Variants in HPSE2 observed in about 807,000 individuals in gnomAD.
HPSE2 encodes inactive heparanase-2.
In HPSE2, 38 loss-of-function variants were observed where a neutral mutation model predicts 60.5. That is an observed-to-expected ratio of 0.63 (90% CI 0.48 to 0.82). HPSE2 has a LOEUF of 0.82. Ranked by LOEUF, HPSE2 falls within the 40% of genes least tolerant of loss-of-function variation. HPSE2 has a pLI of 0.00. For synonymous variants in HPSE2, 295 were observed against 293.2 expected, an observed-to-expected ratio of 1.01 and a Z score of -0.06; for missense variants, 713 against 740.4, an observed-to-expected ratio of 0.96 and a Z score of 0.43.
At chr10:99,147,170 G>A (rs982051429) in intron 2 of HPSE2, among the ~76,000 whole-genome samples, 3 of 151,922 alleles carry the variant, frequency 2.0e-5, no homozygotes, top group Non-Finnish European at 4.4e-5. Flanking sequence ...ACAAAACCTG[G>A]TCAGTGCTCA....
intron 3 of HPSE2, among the ~76,000 whole-genome samples, chr10:98,791,615 A>C (rs1950657086): frequency 6.6e-6 from 1 of 152,216 alleles, no homozygotes; most frequent in South Asian, 2.1e-4. Context: ...TATCTCTATA[A>C]AACAAACGCA....
At chr10:99,032,391 A>G (rs1746165664) in intron 3 of HPSE2, among the ~76,000 whole-genome samples, 1 of 152,200 alleles carries the variant, frequency 6.6e-6, no homozygotes, top group African/African-American at 2.4e-5. Flanking sequence ...ATTAAAAATC[A>G]ATAATCTTCA....
chr10:98,502,151 C>T (rs1942047028), intron 9 of HPSE2, among the ~76,000 whole-genome samples: 1 of 151,974 alleles, frequency 6.6e-6, no homozygotes, highest in South Asian at 2.1e-4. Flanking sequence ...CAATGCAATC[C>T]CCATCAAAAT....
intron 3 of HPSE2, among the ~76,000 whole-genome samples, chr10:99,131,212 T>A (rs1029344632): frequency 2.0e-5 from 3 of 152,196 alleles, no homozygotes; most frequent in African/African-American, 7.2e-5. Flanking sequence ...AAGCCATCTA[T>A]GACAAACTCA....
intron 4 of HPSE2, among the ~76,000 whole-genome samples, chr10:98,732,101 C>CTACTGAAA (rs1949242757): frequency 6.6e-6 from 1 of 152,032 alleles, no homozygotes; most frequent in South Asian, 2.1e-4. Context: ...AAAACTTATA[C>CTACTGAAA]ACTGAAAACT....
At chr10:98,739,463 G>T (rs1347037825) in intron 4 of HPSE2, among the ~76,000 whole-genome samples, 1 of 149,950 alleles carries the variant, frequency 6.7e-6, no homozygotes, top group Non-Finnish European at 1.5e-5. Context: ...AAAAAAAGAA[G>T]AAGAAAAAAA....
At chr10:98,706,855 A>C (rs1287893104) in intron 5 of HPSE2, among the ~76,000 whole-genome samples, 3 of 152,198 alleles carry the variant, frequency 2.0e-5, no homozygotes, top group African/African-American at 7.2e-5. Context: ...CTTAACAACA[A>C]GGTACAAGTC....
the HPSE2 span, among the ~76,000 whole-genome samples, chr10:99,305,979 G>GCTCACACACACACA: frequency 1.2e-5 from 1 of 80,586 alleles, no homozygotes; most frequent in Non-Finnish European, 2.4e-5. Context: ...GCGCGCGCGC[G>GCTCACACACACACA]CACACACACA....
chr10:99,067,366 C>T (rs1241534824), intron 3 of HPSE2, among the ~76,000 whole-genome samples: 2 of 152,160 alleles, frequency 1.3e-5, no homozygotes, highest in African/African-American at 4.8e-5. Flanking sequence ...GGGCTCTGAC[C>T]CCACATTTCC....
In HPSE2 at chr10:98,620,604, G is replaced by A. The variant is rs1252289590; in HGVS notation, c.1203C>T (p.Phe401=). 1 of 1,612,292 alleles carries A rather than the reference G, an allele frequency of 6.2e-7. No homozygotes were observed. The highest frequency in any genetic ancestry group is 1.7e-5 in the Admixed American group (1 of 60,016). Residue 401 remains phenylalanine, a splice_region_variant and synonymous_variant, in exon 8 of 12, where the codon TTC becomes TTT. Transcript: ENST00000370552. The stretch of plus-strand genomic sequence containing the variant: ...GTGAACTTGCAGGTGTTACTCACAA[G>A]AATCCTGCAGCATAGGAATCGGATA... The part of the protein sequence containing the change: ...NNLSDSYAAG[F]LWLNTLGMLA...
intron 3 of HPSE2, among the ~76,000 whole-genome samples, chr10:99,138,424 A>G (rs1482206434): frequency 6.6e-6 from 1 of 152,216 alleles, no homozygotes; most frequent in Non-Finnish European, 1.5e-5. Context: ...TCATTCTACT[A>G]TAAAGACACA....
intron 3 of HPSE2, among the ~76,000 whole-genome samples, chr10:98,888,661 T>C (rs1350882572): frequency 6.6e-6 from 1 of 152,188 alleles, no homozygotes; most frequent in Non-Finnish European, 1.5e-5. Flanking sequence ...GTCTCCTTTC[T>C]CCCCAAACTG....
intron 3 of HPSE2, among the ~76,000 whole-genome samples, chr10:99,043,825 G>T (rs1384085673): frequency 1.3e-5 from 2 of 151,704 alleles, no homozygotes; most frequent in African/African-American, 2.4e-5. Flanking sequence ...AAAGAAGAAA[G>T]AATTTTTAAA....
At chr10:99,236,713 C>CGCTCT (rs888111696), upstream of HPSE2, among the ~76,000 whole-genome samples, 26 of 152,292 alleles carry the variant, frequency 1.7e-4, no homozygotes, top group African/African-American at 6.0e-4. Flanking sequence ...CATGCGCCCT[C>CGCTCT]GCTCTGCTCT....
At chr10:99,203,888 G>C (rs1340968471) in intron 2 of HPSE2, among the ~76,000 whole-genome samples, 6 of 101,152 alleles carry the variant, frequency 5.9e-5, no homozygotes, top group Non-Finnish European at 1.6e-4. Flanking sequence ...AGGCCCAAGG[G>C]TCCAGGCCCA....
At chr10:99,010,606 T>C (rs1956991435) in intron 3 of HPSE2, among the ~76,000 whole-genome samples, 1 of 152,186 alleles carries the variant, frequency 6.6e-6, no homozygotes, top group African/African-American at 2.4e-5. Context: ...ATTCTGGAAG[T>C]GCTTAAGCAA....
chr10:98,679,189 G>T (rs1016248577), intron 6 of HPSE2, among the ~76,000 whole-genome samples: 13 of 152,134 alleles, frequency 8.5e-5, no homozygotes, highest in Non-Finnish European at 1.9e-4. Context: ...TGCATGGAGT[G>T]AAACAGGAGA....
intron 9 of HPSE2, among the ~76,000 whole-genome samples, chr10:98,567,490 T>C (rs1944379308): frequency 6.6e-6 from 1 of 152,124 alleles, no homozygotes; most frequent in Admixed American, 6.5e-5. Flanking sequence ...ATTAAATGTT[T>C]TGTGGTTGGC....
At chr10:98,482,819 A>G (rs1464057358) in intron 10 of HPSE2, 37 bp from the exon 11 acceptor site, 1 of 1,611,018 alleles carries the variant, frequency 6.2e-7, no homozygotes, top group South Asian at 1.1e-5. Context: ...AAAGATGGAA[A>G]CAAAGTGGTC....
Sources: gnomAD v4.1 joint callset for allele counts (sites outside exome capture counted in the v4.1 genomes callset) on GRCh38, gnomAD v4.1.1 for gene constraint, MANE v1.5 for transcripts, NCBI Gene and HGNC (gene_info 2026-07-23, HGNC 2026-07-21) for gene names.